PTPRE: variants seen among roughly 807,000 people sequenced by gnomAD.
The protein encoded by PTPRE is protein tyrosine phosphatase receptor type E.
Under a neutral mutation model 102.0 loss-of-function variants are expected in PTPRE, and 51 were observed. That is an observed-to-expected ratio of 0.50 (90% CI 0.40 to 0.63). The LOEUF (loss-of-function observed/expected upper bound fraction) is 0.63. PTPRE is among the 30% of genes least tolerant of loss of function. The pLI is 0.00. For missense variants in PTPRE, 752 were observed against 915.1 expected (o/e 0.82, Z 2.30); for synonymous variants, 345 against 348.2 (o/e 0.99, Z 0.10).
At chr10:127,969,975 T>A (rs553701361) in intron 1 of PTPRE, among the ~76,000 whole-genome samples, 1 of 152,328 alleles carries the variant, frequency 6.6e-6, no homozygotes, top group East Asian at 1.9e-4. Context: ...TCTCCTCCTC[T>A]CTCCCTTTGC....
At chr10:127,947,932 AC>A (rs1270472027) in intron 1 of PTPRE, among the ~76,000 whole-genome samples, 1 of 152,022 alleles carries the variant, frequency 6.6e-6, no homozygotes, top group African/African-American at 2.4e-5. Flanking sequence ...GGTTGAGCCA[AC>A]CCCCCAATAA....
At chr10:127,926,344 G>C (rs1345963620) in intron 1 of PTPRE, among the ~76,000 whole-genome samples, 1 of 152,196 alleles carries the variant, frequency 6.6e-6, no homozygotes, top group Non-Finnish European at 1.5e-5. Context: ...TACCAGCAAG[G>C]CTGTTTTAAT....
intron 1 of PTPRE, among the ~76,000 whole-genome samples, chr10:127,971,249 C>T (rs1267219683): frequency 6.6e-6 from 1 of 152,216 alleles, no homozygotes; most frequent in Non-Finnish European, 1.5e-5. Context: ...CAAACATTCA[C>T]ATCCCAAAAA....
At chr10:128,021,788 G>GA (rs146897406) in intron 2 of PTPRE, among the ~76,000 whole-genome samples, 1,551 of 152,312 alleles carry the variant, frequency 0.01, 36 homozygotes, top group African/African-American at 0.036. Context: ...AAAAGGCACA[G>GA]AAAAAATAAT....
intron 2 of PTPRE, among the ~76,000 whole-genome samples, chr10:128,025,812 TG>T (rs1846250255): frequency 6.6e-6 from 1 of 152,206 alleles, no homozygotes; most frequent in Admixed American, 6.5e-5. Flanking sequence ...AGCAGCCTCC[TG>T]GGTCACCCCC....
intron 1 of PTPRE, among the ~76,000 whole-genome samples, chr10:127,931,045 C>A (rs1383552286): frequency 1.3e-5 from 2 of 152,112 alleles, no homozygotes; most frequent in Non-Finnish European, 2.9e-5. Context: ...CCCGCCTCGG[C>A]CTTCCAAAGT....
chr10:127,992,555 T>C (rs890337571), intron 2 of PTPRE, among the ~76,000 whole-genome samples: 1 of 152,110 alleles, frequency 6.6e-6, no homozygotes, highest in Non-Finnish European at 1.5e-5. Context: ...AGGCCCCCTA[T>C]TCAGGGCAGC....
At chr10:128,082,794 G>T in intron 20 of PTPRE, 38 bp from the exon 21 acceptor site, 1 of 1,523,310 alleles carries the variant, frequency 6.6e-7, no homozygotes. Context: ...TATATTTTTG[G>T]GAATATCATT....
At chr10:128,024,663 C>T (rs993375973) in intron 2 of PTPRE, among the ~76,000 whole-genome samples, 8 of 152,200 alleles carry the variant, frequency 5.3e-5, no homozygotes, top group African/African-American at 1.9e-4. Flanking sequence ...GTTGCGTCCT[C>T]GGGCAGACCC....
Position 128,069,867 on chromosome 10 carries a change from A to G in PTPRE, c.1143+40A>G, listed in dbSNP as rs1314136739. 2.5e-6 allele frequency: 4 copies of G among 1,613,526 alleles called. No individual in the cohort carries two copies. In the African/African-American group the frequency reaches 4.0e-5, roughly 16 times the overall value. On this transcript the variant is annotated intron_variant, in intron 13 of 20. Coordinates refer to ENST00000254667, the MANE Select transcript of PTPRE (RefSeq NM_006504.6). ...CCTCTTGCCCTGATCTAGCTTCCCA[A>G]AGCAAACCCGATGCCTTCGCCACAC...
intron 1 of PTPRE, among the ~76,000 whole-genome samples, chr10:127,953,802 G>C (rs987132414): frequency 1.3e-5 from 2 of 152,198 alleles, no homozygotes; most frequent in African/African-American, 2.4e-5. Flanking sequence ...AATGACAGTG[G>C]TGAAGGGAAA....
intron 6 of PTPRE, among the ~76,000 whole-genome samples, chr10:128,051,769 G>A (rs1020099797): frequency 6.6e-5 from 10 of 152,230 alleles, no homozygotes; most frequent in African/African-American, 1.9e-4. Flanking sequence ...GTAGAGACGC[G>A]GTGGAGGGGA....
In PTPRE at chr10:128,074,608, A is replaced by G. The variant is rs181724073; in HGVS notation, c.1599+1137A>G. ...CTTGAACCTGGGAGGCAGAGGTTGC[A>G]TTGAGCTGAGATCGCGCCATTGCAC... On this transcript the variant is annotated intron_variant, in intron 17 of 20. Transcript: ENST00000254667. 3.5e-4 allele frequency among the ~76,000 whole-genome samples: 53 copies of G among 152,134 alleles called. 1 individual carries two copies. The highest frequency in any genetic ancestry group is 3.0e-3 in the Admixed American group (46 of 15,272).
intron 2 of PTPRE, among the ~76,000 whole-genome samples, chr10:127,984,652 T>TG (rs1851931099): frequency 6.6e-6 from 1 of 152,192 alleles, no homozygotes. Context: ...AATTGAATCA[T>TG]GGGGGCGGTT....
At chr10:127,978,281 G>A (rs1589886376) in intron 1 of PTPRE, among the ~76,000 whole-genome samples, 2 of 152,190 alleles carry the variant, frequency 1.3e-5, no homozygotes. Context: ...GCTCACGCCT[G>A]TAATGCCAGC....
intron 6 of PTPRE, among the ~76,000 whole-genome samples, chr10:128,055,385 G>C (rs1383091268): frequency 6.6e-6 from 1 of 152,190 alleles, no homozygotes; most frequent in East Asian, 1.9e-4. Context: ...AGAGGGGATA[G>C]GGGCCCCGCG....
chr10:128,055,132 A>G (rs960204269), intron 6 of PTPRE, among the ~76,000 whole-genome samples: 1 of 152,268 alleles, frequency 6.6e-6, no homozygotes, highest in Admixed American at 6.5e-5. Context: ...CACTCAGTGC[A>G]TATTCATGCA....
chr10:128,049,782 A>G, intron 6 of PTPRE, 116 bp downstream of exon 6: 1 of 1,456,986 alleles, frequency 6.9e-7, no homozygotes, highest in Non-Finnish European at 9.3e-7. Context: ...CAGTTATGAC[A>G]CTGTCCCATG....
chr10:128,003,352 A>G (rs1390636497), intron 2 of PTPRE, among the ~76,000 whole-genome samples: 2 of 152,194 alleles, frequency 1.3e-5, no homozygotes, highest in Non-Finnish European at 2.9e-5. Context: ...AAAAAAATTT[A>G]AGTCAGCTGT....
Sources: gnomAD v4.1 joint callset for allele counts (sites outside exome capture counted in the v4.1 genomes callset) on GRCh38, gnomAD v4.1.1 for gene constraint, MANE v1.5 for transcripts, NCBI Gene and HGNC (gene_info 2026-07-23, HGNC 2026-07-21) for gene names.